PZP: variants seen among roughly 807,000 people sequenced by gnomAD.
The protein encoded by PZP is pregnancy zone protein.
PZP carries 150 observed loss-of-function variants against 179.8 expected under a neutral mutation model. That is an observed-to-expected ratio of 0.83 (90% CI 0.73 to 0.96). The LOEUF is 0.96. Ranked by LOEUF, PZP falls within the 40% of genes least tolerant of loss-of-function variation. The pLI is 0.00. For missense variants in PZP, 1,689 were observed against 1,764.0 expected, an observed-to-expected ratio of 0.96 and a Z score of 0.76; for synonymous variants, 624 against 652.3, an observed-to-expected ratio of 0.96 and a Z score of 0.66.
chr12:9,142,294 A>G, the PZP span, among the ~76,000 whole-genome samples: 1 of 152,220 alleles, frequency 6.6e-6, no homozygotes, highest in South Asian at 2.1e-4. Flanking sequence ...TATTAAACCA[A>G]TATTAATGTT....
At chr12:9,194,733 G>A (rs776407307) in intron 10 of PZP, among the ~76,000 whole-genome samples, 53 of 152,206 alleles carry the variant, frequency 3.5e-4, no homozygotes, top group East Asian at 1.4e-3. Context: ...GAAAGTGCTG[G>A]GATTACAGGC....
chr12:9,177,496 A>G (rs1297951580), intron 15 of PZP, among the ~76,000 whole-genome samples: 1 of 152,234 alleles, frequency 6.6e-6, no homozygotes, highest in Non-Finnish European at 1.5e-5. Flanking sequence ...CAGAAATTGC[A>G]TGTGATAATA....
intron 29 of PZP, among the ~76,000 whole-genome samples, chr12:9,154,382 T>C (rs767206827): frequency 2.0e-5 from 3 of 152,148 alleles, no homozygotes; most frequent in Non-Finnish European, 4.4e-5. Flanking sequence ...CTTTAGAGGG[T>C]AAAGATGCTC....
rs142966598 is a variant in PZP, at chr12:9,160,396, G to A, written c.2967C>T (p.Asn989=). The change falls in exon 24 of 36, where the codon AAC becomes AAT. Residue 989 remains asparagine (N), a synonymous_variant. Transcript: ENST00000261336. ...GEQNMVLFAP[N]IYVLNYLNET... ...CATTCAGATAGTTCAAGACATAGAT[G>A]TTAGGAGCAAATAGGACCATGTTCT... The A allele has an allele frequency of 2.9e-4, 461 of 1,614,012 alleles. 2 individuals carry two copies. Among genetic ancestry groups the A allele is most frequent in the Non-Finnish European group, 2.3e-4 (274 of 1,179,972 alleles).
the PZP span, among the ~76,000 whole-genome samples, chr12:9,137,596 A>G: frequency 6.6e-6 from 1 of 152,044 alleles, no homozygotes; most frequent in Non-Finnish European, 1.5e-5. Flanking sequence ...GTTGCATTGA[A>G]TCTATAGATT....
chr12:9,171,672 A>T (rs1942011637), intron 15 of PZP, among the ~76,000 whole-genome samples: 1 of 152,230 alleles, frequency 6.6e-6, no homozygotes, highest in Admixed American at 6.5e-5. Context: ...TGAAAACCGC[A>T]TCTCAAGAAC....
the PZP span, among the ~76,000 whole-genome samples, chr12:9,141,927 TAA>T: frequency 6.6e-6 from 1 of 152,234 alleles, no homozygotes; most frequent in Admixed American, 6.5e-5. Flanking sequence ...GTTGTACAGC[TAA>T]GAGTTATATG....
intron 15 of PZP, among the ~76,000 whole-genome samples, chr12:9,177,997 T>C (rs750388250): frequency 2.6e-5 from 4 of 152,220 alleles, no homozygotes; most frequent in Non-Finnish European, 5.9e-5. Flanking sequence ...TTGTTGTTTC[T>C]TCTAACTAAA....
At position 9,156,924 on chromosome 12, in the gene PZP, A is replaced by T. The variant is rs771514268; in HGVS notation, c.3550+251T>A. The stretch of plus-strand genomic sequence containing the variant: ...TTATTATTTATCTATTTATTTATTT[A>T]TTTTTTAAATGTTATTTTATTTTAA... On this transcript the variant is annotated intron_variant, in intron 28 of 35. Coordinates refer to ENST00000261336, the MANE Select transcript of PZP (RefSeq NM_002864.3). Among the ~76,000 whole-genome samples the T allele has an allele frequency of 5.3e-4, 81 of 151,830 alleles. No individual in the cohort carries two copies. The Middle Eastern group carries it at 0.014, about 26-fold the overall frequency.
chr12:9,199,862 C>T (rs1456679479), intron 7 of PZP, among the ~76,000 whole-genome samples: 2 of 151,952 alleles, frequency 1.3e-5, no homozygotes, highest in Non-Finnish European at 2.9e-5. Context: ...TGAAAATTTC[C>T]GTTGTAGAGA....
chr12:9,171,928 A>G (rs1447578518), intron 15 of PZP, among the ~76,000 whole-genome samples: 1 of 152,244 alleles, frequency 6.6e-6, no homozygotes, highest in Admixed American at 6.5e-5. Context: ...TCAGGATATC[A>G]TCCAGGAGAA....
At position 9,192,716 on chromosome 12, in the gene PZP, C is replaced by G; in HGVS notation, c.1278G>C (p.Leu426Phe). 1 of 1,612,336 alleles carries G rather than the reference C, an allele frequency of 6.2e-7. No individual in the cohort carries two copies. The highest frequency in any genetic ancestry group is 8.5e-7 in the Non-Finnish European group (1 of 1,178,412). Reference sequence around the variant, plus strand: ...CTGCTACCCATGAATAGTGAAAACACAAGTTGGGATGCACAGTGAAAACCT... The same window carrying G: ...CTGCTACCCATGAATAGTGAAAACAGAAGTTGGGATGCACAGTGAAAACCT... ...FVRVFTVHPN[L>F]CFHYSWVAED... is the part of the protein sequence containing the mutation. Residue 426 changes from leucine (L) to phenylalanine (F), a missense_variant, in exon 12 of 36, where the codon TTG becomes TTC. Coordinates refer to ENST00000261336, the MANE Select transcript of PZP (RefSeq NM_002864.3).
the PZP span, among the ~76,000 whole-genome samples, chr12:9,141,174 G>A: frequency 4.9e-4 from 75 of 152,128 alleles, no homozygotes; most frequent in African/African-American, 1.6e-3. Flanking sequence ...TACTGATAAC[G>A]TACACTAAGA....
At chr12:9,198,475 T>A (rs2121184797) in intron 7 of PZP, among the ~76,000 whole-genome samples, 1 of 152,234 alleles carries the variant, frequency 6.6e-6, no homozygotes, top group Middle Eastern at 3.4e-3. Context: ...TAAAAATAAG[T>A]ACATAATAAC....
intron 26 of PZP, 102 bp downstream of exon 26, chr12:9,158,318 G>A: frequency 6.8e-7 from 1 of 1,474,452 alleles, no homozygotes. Context: ...ACATCATCCA[G>A]GACTTCATCT....
intron 13 of PZP, among the ~76,000 whole-genome samples, chr12:9,190,423 AGTT>A (rs1439463876): frequency 6.6e-6 from 1 of 152,194 alleles, no homozygotes; most frequent in Non-Finnish European, 1.5e-5. Flanking sequence ...CCATGTGCTC[AGTT>A]ATAAGTGGGA....
At chr12:9,154,372 C>T (rs1940586197) in intron 29 of PZP, among the ~76,000 whole-genome samples, 1 of 152,114 alleles carries the variant, frequency 6.6e-6, no homozygotes, top group African/African-American at 2.4e-5. Flanking sequence ...CATAGCGTGG[C>T]TTTAGAGGGT....
chr12:9,157,381 C>T lies in PZP; in HGVS notation c.3370-26G>A, dbSNP rs773659821. On this transcript the variant is annotated intron_variant, in intron 27 of 35. Transcript: ENST00000261336. ...CTGTAAAGGCAAAATGTGGTTGTGT[C>T]AAACTAGGGTGAATAGAGGGCAGAG... 14 of 1,597,194 alleles carry T rather than the reference C, an allele frequency of 8.8e-6. 1 individual carries two copies. The South Asian group carries it at 1.6e-4, about 18-fold the overall frequency.
chr12:9,153,455 G>T (rs1443600065), intron 29 of PZP, 112 bp from the exon 30 acceptor site: 1 of 743,094 alleles, frequency 1.3e-6, no homozygotes, highest in Non-Finnish European at 2.2e-6. Flanking sequence ...TTACCCCTAA[G>T]GTAGATCTTC....
Sources: gnomAD v4.1 joint callset for allele counts (sites outside exome capture counted in the v4.1 genomes callset) on GRCh38, gnomAD v4.1.1 for gene constraint, MANE v1.5 for transcripts, NCBI Gene and HGNC (gene_info 2026-07-23, HGNC 2026-07-21) for gene names.